The following DNAJC6 variants were observed in gnomAD, a reference collection of about 807,000 sequenced individuals.
The protein encoded by DNAJC6 is DnaJ heat shock protein family (Hsp40) member C6, also known as auxilin.
A neutral mutation model predicts 110.0 loss-of-function variants in DNAJC6; 34 were observed. The ratio of observed to expected loss-of-function variants is 0.31; its 90% CI spans 0.24 to 0.41. The LOEUF is 0.41. Ranked by LOEUF, DNAJC6 falls within the 10% of genes least tolerant of loss-of-function variation. The pLI, the probability that DNAJC6 is intolerant of heterozygous loss-of-function variation, is 1.00. For missense variants in DNAJC6, 1,031 were observed against 1,207.8 expected, an observed-to-expected ratio of 0.85 and a Z score of 2.17; for synonymous variants, 406 against 437.2, an observed-to-expected ratio of 0.93 and a Z score of 0.89.
At chr1:65,296,586 CTTTTTTTTT>C (rs11393548) in intron 1 of DNAJC6, among the ~76,000 whole-genome samples, 2 of 123,534 alleles carry the variant, frequency 1.6e-5, no homozygotes, top group Non-Finnish European at 3.3e-5. Context: ...TTCGACACAT[CTTTTTTTTT>C]TTTTTTTTTT....
At chr1:65,399,904 G>A (rs924885004) in intron 14 of DNAJC6, among the ~76,000 whole-genome samples, 1 of 151,976 alleles carries the variant, frequency 6.6e-6, no homozygotes, top group African/African-American at 2.4e-5. Context: ...TTTTGGCTGG[G>A]GCGTGGTGGC....
intron 1 of DNAJC6, 21 bp from the exon 2 acceptor site, chr1:65,364,614 G>GTTTTTTT: frequency 2.8e-6 from 4 of 1,424,456 alleles, no homozygotes; most frequent in South Asian, 2.8e-5. Flanking sequence ...TTGTTTGTTT[G>GTTTTTTT]TTTTTTTTTT....
intron 1 of DNAJC6, among the ~76,000 whole-genome samples, chr1:65,277,851 G>A (rs1026082327): frequency 2.0e-5 from 3 of 152,186 alleles, no homozygotes; most frequent in African/African-American, 7.2e-5. Context: ...TCTCCTGGTC[G>A]AAGAGACGTC....
At chr1:65,362,345 G>A (rs1010835900) in intron 1 of DNAJC6, among the ~76,000 whole-genome samples, 4 of 152,032 alleles carry the variant, frequency 2.6e-5, no homozygotes, top group African/African-American at 9.7e-5. Flanking sequence ...ATATAAGTTA[G>A]CAATTATAGT....
At chr1:65,385,956 A>G in intron 7 of DNAJC6, 50 bp downstream of exon 7, 1 of 1,459,506 alleles carries the variant, frequency 6.9e-7, no homozygotes, top group Non-Finnish European at 9.3e-7. Flanking sequence ...ATTCTCATGT[A>G]AATGAGCAGG....
upstream of DNAJC6, among the ~76,000 whole-genome samples, chr1:65,304,570 A>G (rs1023289478): frequency 6.6e-6 from 1 of 152,230 alleles, no homozygotes; most frequent in Non-Finnish European, 1.5e-5. Flanking sequence ...GAATCATGTA[A>G]TTCCACATCT....
In DNAJC6 at chr1:65,411,307, C is replaced by T; in HGVS notation, c.2692C>T (p.His898Tyr). 6.2e-7 allele frequency: 1 copy of T among 1,614,092 alleles called. No individual in the cohort carries two copies. The highest frequency in any genetic ancestry group is 8.5e-7 in the Non-Finnish European group (1 of 1,179,964). Residue 898 changes from histidine to tyrosine, a missense_variant, in exon 18 of 19, where the codon CAT becomes TAT. Transcript: ENST00000371069. Reference sequence around the variant, plus strand: ...TATCAGAGCCCTTCTTTCCACGATGCATACCGTACTATGGGCTGGGGAGAC... The same window carrying T: ...TATCAGAGCCCTTCTTTCCACGATGTATACCGTACTATGGGCTGGGGAGAC... ...RNIRALLSTM[H>Y]TVLWAGETKW... is the part of the protein sequence containing the mutation.
intron 1 of DNAJC6, among the ~76,000 whole-genome samples, chr1:65,265,619 A>G (rs1343534830): frequency 1.3e-5 from 2 of 152,254 alleles, no homozygotes; most frequent in South Asian, 2.1e-4. Context: ...TGAGCCAACC[A>G]AATTTTAAGT....
intron 1 of DNAJC6, among the ~76,000 whole-genome samples, chr1:65,323,732 T>A (rs1645216490): frequency 1.3e-5 from 2 of 152,018 alleles, no homozygotes; most frequent in Admixed American, 6.6e-5. Flanking sequence ...GTAGCTGGGA[T>A]TACAAGACTG....
intron 5 of DNAJC6, among the ~76,000 whole-genome samples, chr1:65,382,661 T>A (rs1329526235): frequency 6.6e-6 from 1 of 152,220 alleles, no homozygotes; most frequent in Non-Finnish European, 1.5e-5. Context: ...ATAGAGAGAA[T>A]AATAAAAGCT....
intron 1 of DNAJC6, among the ~76,000 whole-genome samples, chr1:65,328,874 C>G (rs371829764): frequency 6.6e-6 from 1 of 152,132 alleles, no homozygotes; most frequent in Middle Eastern, 3.2e-3. Context: ...ACCTTTGCCC[C>G]GTAACACCTT....
intron 1 of DNAJC6, among the ~76,000 whole-genome samples, chr1:65,339,107 A>G (rs551363582): frequency 1.5e-4 from 23 of 152,236 alleles, no homozygotes; most frequent in Admixed American, 4.6e-4. Context: ...CCCACCACCT[A>G]TCACAGAACC....
At chr1:65,342,350 G>T (rs1645396527) in intron 1 of DNAJC6, among the ~76,000 whole-genome samples, 1 of 152,120 alleles carries the variant, frequency 6.6e-6, no homozygotes, top group South Asian at 2.1e-4. Context: ...AGGTTGTGAT[G>T]GCAGAGCCAT....
chr1:65,289,348 A>G (rs1218468333), intron 1 of DNAJC6, among the ~76,000 whole-genome samples: 1 of 151,982 alleles, frequency 6.6e-6, no homozygotes, highest in Non-Finnish European at 1.5e-5. Context: ...GGCGCGTGCC[A>G]CCAAGCCTGG....
intron 1 of DNAJC6, among the ~76,000 whole-genome samples, chr1:65,290,695 A>C (rs1273332172): frequency 3.9e-5 from 6 of 152,154 alleles, no homozygotes; most frequent in Non-Finnish European, 7.4e-5. Flanking sequence ...ATTTGAACTT[A>C]ATTTCTTTAA....
intron 1 of DNAJC6, among the ~76,000 whole-genome samples, chr1:65,348,294 G>T (rs1329281035): frequency 4.6e-5 from 7 of 152,172 alleles, no homozygotes; most frequent in Non-Finnish European, 1.0e-4. Context: ...TTCTTCAGTT[G>T]TTGGTTGCAG....
chr1:65,322,283 A>C (rs1426948250), intron 1 of DNAJC6, among the ~76,000 whole-genome samples: 2 of 152,228 alleles, frequency 1.3e-5, no homozygotes, highest in Non-Finnish European at 2.9e-5. Flanking sequence ...ATTTAAAACA[A>C]TTCAGAGAGT....
intron 1 of DNAJC6, among the ~76,000 whole-genome samples, chr1:65,269,915 T>C (rs1010536983): frequency 6.6e-6 from 1 of 152,234 alleles, no homozygotes; most frequent in South Asian, 2.1e-4. Context: ...CATTCAATGA[T>C]GAATTAGCTC....
chr1:65,354,442 C>G lies in DNAJC6; in HGVS notation c.194-10193C>G, dbSNP rs187221519. Among the ~76,000 whole-genome samples the G allele has an allele frequency of 2.1e-4, 32 of 152,282 alleles. No homozygotes were observed. In the East Asian group the frequency reaches 5.8e-3, roughly 28 times the overall value. Reference sequence around the variant, plus strand: ...TTATGGAAACTGCTTAGCTGAGTGTCTAGCCTAGAGTACATGTTTAGTAGA... The same window carrying G: ...TTATGGAAACTGCTTAGCTGAGTGTGTAGCCTAGAGTACATGTTTAGTAGA... On this transcript the variant is annotated intron_variant, in intron 1 of 18. Coordinates refer to ENST00000371069, the MANE Select transcript of DNAJC6 (RefSeq NM_001256864.2).
Sources: gnomAD v4.1 joint callset for allele counts (sites outside exome capture counted in the v4.1 genomes callset) on GRCh38, gnomAD v4.1.1 for gene constraint, MANE v1.5 for transcripts, NCBI Gene and HGNC (gene_info 2026-07-23, HGNC 2026-07-21) for gene names.